Variants in PPP2R2B observed in about 807,000 individuals in gnomAD.
PPP2R2B encodes serine/threonine-protein phosphatase 2A 55 kDa regulatory subunit B beta isoform.
Under a neutral mutation model 46.0 loss-of-function variants are expected in PPP2R2B, and 5 were observed. The ratio of observed to expected loss-of-function variants is 0.11; its 90% CI spans 0.06 to 0.23. The LOEUF is 0.23. Ranked by LOEUF, PPP2R2B falls within the 10% of genes least tolerant of loss-of-function variation. The pLI, the probability that PPP2R2B is intolerant of heterozygous loss-of-function variation, is 1.00. For missense variants in PPP2R2B, 367 were observed against 575.0 expected, an observed-to-expected ratio of 0.64 and a Z score of 3.70; for synonymous variants, 215 against 206.7, an observed-to-expected ratio of 1.04 and a Z score of -0.34.
rs376097539 is a variant in PPP2R2B at position 146,637,399 on chromosome 5, T to C, written c.790+852A>G. 8.5e-5 allele frequency among the ~76,000 whole-genome samples: 13 copies of C among 152,304 alleles called. No individual in the cohort carries two copies. The East Asian group carries it at 2.3e-3, about 27-fold the overall frequency. On this transcript the variant is annotated intron_variant, in intron 7 of 9. Transcript: ENST00000394411. ...AGATGCTGCTAAACATCCTACAATG[T>C]ATAGGACAGCCCCTTCCCCGAAACA...
rs1178001076 is a variant in PPP2R2B at position 146,628,604 on chromosome 5, G to A, written c.790+9647C>T. 5.9e-5 allele frequency among the ~76,000 whole-genome samples: 9 copies of A among 152,162 alleles called. 1 individual carries two copies. Among genetic ancestry groups the A allele is most frequent in the Admixed American group, 2.6e-4 (4 of 15,288 alleles). On this transcript the variant is annotated intron_variant, in intron 7 of 9. Transcript: ENST00000394411. ...TTACCTCTCAATAAGATGGAAGCTCGAGGGGCAGGTGAGGAAGAAGGAAGG... is the reference window on the plus strand; with the variant it reads ...TTACCTCTCAATAAGATGGAAGCTCAAGGGGCAGGTGAGGAAGAAGGAAGG...
At chr5:147,049,886 C>T (rs1756721213) in intron 1 of PPP2R2B, among the ~76,000 whole-genome samples, 1 of 152,154 alleles carries the variant, frequency 6.6e-6, no homozygotes, top group South Asian at 2.1e-4. Context: ...GTGGATGACA[C>T]TTTCAAGGCA....
At chr5:146,856,653 G>C in intron 2 of PPP2R2B, 1 of 1,115,154 alleles carries the variant, frequency 9.0e-7, no homozygotes, top group Non-Finnish European at 1.4e-6. Flanking sequence ...GTAACATACA[G>C]GTGCATTTAC....
At chr5:146,887,736 C>G (rs541861674) in intron 1 of PPP2R2B, among the ~76,000 whole-genome samples, 1 of 152,284 alleles carries the variant, frequency 6.6e-6, no homozygotes, top group South Asian at 2.1e-4. Flanking sequence ...AGAGAAGAAG[C>G]CAAATAGCCA....
chr5:146,814,720 C>G lies in PPP2R2B; in HGVS notation c.70+63282G>C, dbSNP rs1029787268. 4.6e-5 allele frequency among the ~76,000 whole-genome samples: 7 copies of G among 152,206 alleles called. No homozygotes were observed. The East Asian group carries it at 5.8e-4, about 13-fold the overall frequency. On this transcript the variant is annotated intron_variant, in intron 2 of 9. Transcript: ENST00000394411. Reference sequence around the variant, plus strand: ...AACACATTGCACATGTGGTCCCCCCCAAGTGCTGGCAGGCCACTGCTCATG... The same window carrying G: ...AACACATTGCACATGTGGTCCCCCCGAAGTGCTGGCAGGCCACTGCTCATG...
intron 1 of PPP2R2B, chr5:146,914,073 T>C (rs991889719): frequency 6.7e-6 from 1 of 148,378 alleles, no homozygotes; most frequent in African/African-American, 2.6e-5. Context: ...TAATTTCCAA[T>C]GTTTGAAAGA....
intron 1 of PPP2R2B, among the ~76,000 whole-genome samples, chr5:147,030,958 C>G (rs1220945248): frequency 6.6e-6 from 1 of 152,136 alleles, no homozygotes; most frequent in Non-Finnish European, 1.5e-5. Context: ...TCTTTATGGC[C>G]GTGCGCGGTG....
chr5:146,707,710 A>G, intron 2 of PPP2R2B: 1 of 474,382 alleles, frequency 2.1e-6, no homozygotes, highest in South Asian at 3.3e-5. Flanking sequence ...AGCAATATGT[A>G]CACTTACAGA....
intron 2 of PPP2R2B, among the ~76,000 whole-genome samples, chr5:147,079,434 T>A (rs1345478849): frequency 6.1e-4 from 49 of 80,970 alleles, no homozygotes; most frequent in African/African-American, 2.0e-3. Flanking sequence ...CACACACATT[T>A]TATATATATA....
chr5:147,055,638 C>T, intron 1 of PPP2R2B: 1 of 1,586,330 alleles, frequency 6.3e-7, no homozygotes, highest in Non-Finnish European at 8.7e-7. Flanking sequence ...CCCACCCACC[C>T]AGACACTCTC....
intron 2 of PPP2R2B, among the ~76,000 whole-genome samples, chr5:146,785,404 T>C (rs1755774197): frequency 6.6e-6 from 1 of 151,964 alleles, no homozygotes; most frequent in Non-Finnish European, 1.5e-5. Context: ...AAAAATTAGC[T>C]GGGCATGGTA....
chr5:146,938,624 A>T (rs1049645649), intron 1 of PPP2R2B, among the ~76,000 whole-genome samples: 31 of 152,272 alleles, frequency 2.0e-4, no homozygotes, highest in African/African-American at 7.0e-4. Flanking sequence ...TCATGTTTAC[A>T]TAGGAATTAA....
intron 2 of PPP2R2B, among the ~76,000 whole-genome samples, chr5:146,768,923 C>T (rs892403497): frequency 5.3e-5 from 8 of 151,870 alleles, no homozygotes. Context: ...CTCACTCTGC[C>T]TCTCACTGAG....
intron 2 of PPP2R2B, among the ~76,000 whole-genome samples, chr5:147,062,624 C>G (rs1369312182): frequency 6.6e-6 from 1 of 152,026 alleles, no homozygotes; most frequent in Non-Finnish European, 1.5e-5. Flanking sequence ...TCAGGCTGTC[C>G]CATGCCACCG....
intron 2 of PPP2R2B, among the ~76,000 whole-genome samples, chr5:147,068,439 G>T (rs1334960486): frequency 1.3e-5 from 2 of 151,938 alleles, no homozygotes; most frequent in Non-Finnish European, 2.9e-5. Context: ...TCAAGTTTCT[G>T]TTAGAAACAC....
chr5:146,591,313 G>A (rs1222318335), intron 9 of PPP2R2B, among the ~76,000 whole-genome samples: 1 of 152,184 alleles, frequency 6.6e-6, no homozygotes, highest in Non-Finnish European at 1.5e-5. Flanking sequence ...TGGGCACGTT[G>A]TCACCTGTAC....
chr5:146,639,281 G>C (rs1461776216), intron 6 of PPP2R2B, among the ~76,000 whole-genome samples: 1 of 151,842 alleles, frequency 6.6e-6, no homozygotes, highest in Non-Finnish European at 1.5e-5. Context: ...CATCCAGTTG[G>C]AAAGTTTTAG....
At chr5:146,714,762 T>C (rs1780397463) in intron 2 of PPP2R2B, among the ~76,000 whole-genome samples, 1 of 152,154 alleles carries the variant, frequency 6.6e-6, no homozygotes, top group South Asian at 2.1e-4. Context: ...TATCAGCATT[T>C]CAGAGATCCA....
intron 1 of PPP2R2B, among the ~76,000 whole-genome samples, chr5:147,020,634 C>A (rs879935511): frequency 2.6e-5 from 4 of 152,076 alleles, no homozygotes; most frequent in Admixed American, 6.6e-5. Flanking sequence ...TTGACTGTAT[C>A]TTTCTGCTTA....
Sources: gnomAD v4.1 joint callset for allele counts (sites outside exome capture counted in the v4.1 genomes callset) on GRCh38, gnomAD v4.1.1 for gene constraint, MANE v1.5 for transcripts, NCBI Gene and HGNC (gene_info 2026-07-23, HGNC 2026-07-21) for gene names.